Variants in LRRC4C observed in about 807,000 individuals in gnomAD.
LRRC4C encodes the protein leucine-rich repeat-containing protein 4C.
In LRRC4C, 5 loss-of-function variants were observed where a neutral mutation model predicts 33.6. The observed-to-expected ratio is 0.15, with a 90% CI of 0.08 to 0.31. The LOEUF (loss-of-function observed/expected upper bound fraction) is 0.31, where lower values mean the gene tolerates loss of function less well. LRRC4C is among the 10% of genes least tolerant of loss of function. LRRC4C has a pLI of 1.00. For synonymous variants in LRRC4C, 329 were observed against 302.0 expected (o/e 1.09, Z -0.93); for missense variants, 560 against 796.7 (o/e 0.70, Z 3.58).
chr11:40,479,082 A>G (rs2138381972), intron 3 of LRRC4C, among the ~76,000 whole-genome samples: 1 of 152,254 alleles, frequency 6.6e-6, no homozygotes, highest in East Asian at 1.9e-4. Flanking sequence ...TTGGACTGGA[A>G]TGTCCAATGT....
intron 3 of LRRC4C, among the ~76,000 whole-genome samples, chr11:40,608,474 A>G (rs1305140935): frequency 3.3e-5 from 5 of 152,112 alleles, no homozygotes; most frequent in Non-Finnish European, 7.4e-5. Flanking sequence ...AAGAAAAAGG[A>G]GAGACAAAAA....
intron 2 of LRRC4C, among the ~76,000 whole-genome samples, chr11:40,668,263 T>A (rs907436153): frequency 2.0e-5 from 3 of 152,160 alleles, no homozygotes; most frequent in African/African-American, 7.2e-5. Context: ...ACACATAATA[T>A]TTGCTGTAGT....
At chr11:40,254,635 G>A (rs368472214) in intron 4 of LRRC4C, among the ~76,000 whole-genome samples, 4 of 152,102 alleles carry the variant, frequency 2.6e-5, no homozygotes, top group South Asian at 2.1e-4. Context: ...TATGATATAC[G>A]CATATGAATA....
chr11:40,135,162 G>A (rs749927471), intron 6 of LRRC4C, among the ~76,000 whole-genome samples: 2 of 152,174 alleles, frequency 1.3e-5, no homozygotes, highest in Non-Finnish European at 2.9e-5. Flanking sequence ...TAATGGAAAT[G>A]ACTGGAATCA....
intron 3 of LRRC4C, among the ~76,000 whole-genome samples, chr11:40,591,089 T>C (rs893046529): frequency 2.6e-5 from 4 of 152,150 alleles, no homozygotes; most frequent in Non-Finnish European, 5.9e-5. Context: ...CGCTGCCGCC[T>C]TGCAGTTTGA....
Position 40,966,475 on chromosome 11 carries a change from G to A in LRRC4C, c.-495-32752C>T, listed in dbSNP as rs116168456. ...ACAGGAGAAGGCTTCAGATATCTGTGCCTCAAGCAGCACTAAGCTCCTCAC... is the reference window on the plus strand; with the variant it reads ...ACAGGAGAAGGCTTCAGATATCTGTACCTCAAGCAGCACTAAGCTCCTCAC... On this transcript the variant is annotated intron_variant, in intron 1 of 6. Transcript: ENST00000528697. 1.8e-3 allele frequency among the ~76,000 whole-genome samples: 280 copies of A among 152,010 alleles called. 1 individual carries two copies. The highest frequency in any genetic ancestry group is 6.3e-3 in the African/African-American group (260 of 41,514).
chr11:41,408,354 C>T (rs759283166), intron 1 of LRRC4C, among the ~76,000 whole-genome samples: 1 of 152,058 alleles, frequency 6.6e-6, no homozygotes, highest in African/African-American at 2.4e-5. Context: ...CATTTTTGTG[C>T]ACCTTGAAGA....
chr11:41,375,375 A>G (rs1952900860), intron 1 of LRRC4C, among the ~76,000 whole-genome samples: 1 of 152,202 alleles, frequency 6.6e-6, no homozygotes, highest in African/African-American at 2.4e-5. Flanking sequence ...GGAGATGTAC[A>G]TTTGATAGAA....
At chr11:40,571,360 A>T (rs1957976499) in intron 3 of LRRC4C, among the ~76,000 whole-genome samples, 1 of 152,074 alleles carries the variant, frequency 6.6e-6, no homozygotes, top group African/African-American at 2.4e-5. Context: ...TTGTATTGTA[A>T]ATTTCACTGT....
chr11:41,325,608 T>C (rs1951093534), intron 1 of LRRC4C, among the ~76,000 whole-genome samples: 1 of 149,284 alleles, frequency 6.7e-6, no homozygotes, highest in Non-Finnish European at 1.5e-5. Flanking sequence ...TGTGTGTGTG[T>C]GTGTGTTAAA....
rs1192105408 is a variant in LRRC4C at position 40,340,485 on chromosome 11, C to G, written c.-269-20764G>C. Among the ~76,000 whole-genome samples, 5 of 152,138 alleles carry G rather than the reference C, an allele frequency of 3.3e-5. No homozygotes were observed. In the East Asian group the frequency reaches 9.7e-4, roughly 29 times the overall value. On this transcript the variant is annotated intron_variant, in intron 3 of 6. Transcript: ENST00000528697. ...CTGAGGAATGTATGTGTAGTGGGGA[C>G]TGAGGCTAAGGGATACATTTGGAAT...
chr11:40,168,334 G>A (rs980364468), intron 5 of LRRC4C, among the ~76,000 whole-genome samples: 7 of 152,104 alleles, frequency 4.6e-5, no homozygotes, highest in African/African-American at 1.4e-4. Context: ...AAAGAAAAGG[G>A]GTTCTGGGTA....
chr11:40,321,759 C>T (rs1359655625), intron 3 of LRRC4C, among the ~76,000 whole-genome samples: 2 of 152,134 alleles, frequency 1.3e-5, no homozygotes, highest in Non-Finnish European at 2.9e-5. Context: ...TCTTTTCATA[C>T]CTGAATGCCT....
intron 5 of LRRC4C, among the ~76,000 whole-genome samples, chr11:40,146,947 T>G (rs1857784945): frequency 6.6e-6 from 1 of 152,152 alleles, no homozygotes; most frequent in South Asian, 2.1e-4. Context: ...AGGATCAAAT[T>G]AAGTCATTGC....
chr11:40,698,228 C>T (rs1182530503), intron 2 of LRRC4C, among the ~76,000 whole-genome samples: 1 of 152,088 alleles, frequency 6.6e-6, no homozygotes, highest in Non-Finnish European at 1.5e-5. Flanking sequence ...GAAATGACCC[C>T]TTTGCCTTAC....
chr11:41,172,754 A>G (rs1266422615), intron 1 of LRRC4C, among the ~76,000 whole-genome samples: 2 of 152,228 alleles, frequency 1.3e-5, no homozygotes. Flanking sequence ...AATAAATAGA[A>G]CATAAGTATT....
intron 2 of LRRC4C, among the ~76,000 whole-genome samples, chr11:40,790,678 CAT>C (rs1287678206): frequency 2.0e-5 from 3 of 152,168 alleles, no homozygotes; most frequent in African/African-American, 7.2e-5. Flanking sequence ...CTCTGTAAAA[CAT>C]ATCTTTCAGG....
chr11:40,686,387 TGGA>T lies in LRRC4C; in HGVS notation c.-406-38112_-406-38110del, dbSNP rs1944955252. On this transcript the variant is annotated intron_variant, in intron 2 of 6. Coordinates refer to ENST00000528697, the MANE Select transcript of LRRC4C (RefSeq NM_001258419.2). The stretch of plus-strand genomic sequence containing the variant: ...AGCTAGTGGAATGTAGAGAATTAGG[TGGA>T]GTTGTGGTGCACAACCAAGAGCACA... Among the ~76,000 whole-genome samples, 3 of 152,116 alleles carry T rather than the reference TGGA, an allele frequency of 2.0e-5. No individual in the cohort carries two copies. The South Asian group carries it at 6.2e-4, about 32-fold the overall frequency.
In LRRC4C at chr11:40,798,312, A is replaced by G. The variant is rs182166169; in HGVS notation, c.-407+135323T>C. Among the ~76,000 whole-genome samples, 386 of 152,292 alleles carry G rather than the reference A, an allele frequency of 2.5e-3. 1 individual carries two copies. The highest frequency in any genetic ancestry group is 3.4e-3 in the Middle Eastern group (1 of 294). ...GGTCAGCCTTTGACCAGTTTTCCCC[A>G]TCCAGCTGTCACTCTGAAAGCAACA... On this transcript the variant is annotated intron_variant, in intron 2 of 6. Transcript: ENST00000528697.
Sources: gnomAD v4.1 joint callset for allele counts (sites outside exome capture counted in the v4.1 genomes callset) on GRCh38, gnomAD v4.1.1 for gene constraint, MANE v1.5 for transcripts, NCBI Gene and HGNC (gene_info 2026-07-23, HGNC 2026-07-21) for gene names.